Variants in ARHGEF37 observed in about 807,000 individuals in gnomAD.
ARHGEF37 encodes the protein Rho guanine nucleotide exchange factor 37.
A neutral mutation model predicts 71.1 loss-of-function variants in ARHGEF37; 55 were observed. That is an observed-to-expected ratio of 0.77 (90% CI 0.62 to 0.97). The LOEUF is 0.97. ARHGEF37 is among the 50% of genes least tolerant of loss of function. The probability of loss-of-function intolerance (pLI) is 0.00; values close to 1 mark genes in which losing one functional copy is unlikely to be tolerated. For synonymous variants in ARHGEF37, 327 were observed against 350.6 expected, an observed-to-expected ratio of 0.93 and a Z score of 0.75; for missense variants, 765 against 836.8, an observed-to-expected ratio of 0.91 and a Z score of 1.06.
intron 1 of ARHGEF37, among the ~76,000 whole-genome samples, chr5:149,593,240 C>T (rs972537773): frequency 1.3e-5 from 2 of 152,210 alleles, no homozygotes; most frequent in Non-Finnish European, 2.9e-5. Flanking sequence ...TATTCACAGA[C>T]TTGTGCAACC....
chr5:149,616,390 G>A (rs1433731264), intron 4 of ARHGEF37, among the ~76,000 whole-genome samples, 177 bp from the exon 5 acceptor site: 1 of 152,192 alleles, frequency 6.6e-6, no homozygotes, highest in African/African-American at 2.4e-5. Context: ...AACCGTCACT[G>A]CCTGCCTAAC....
chr5:149,619,803 C>T (rs973622527), intron 7 of ARHGEF37, among the ~76,000 whole-genome samples: 21 of 152,160 alleles, frequency 1.4e-4, no homozygotes, highest in African/African-American at 4.8e-4. Context: ...GGTGCAGTGG[C>T]TTACGCCTGT....
intron 1 of ARHGEF37, among the ~76,000 whole-genome samples, chr5:149,597,260 T>TA (rs71587781): frequency 2.6e-5 from 4 of 151,706 alleles, no homozygotes; most frequent in African/African-American, 9.7e-5. Flanking sequence ...AATTATCTAT[T>TA]AAAAAAAAAT....
chr5:149,580,295 G>A (rs1032874735), upstream of ARHGEF37, among the ~76,000 whole-genome samples: 3 of 151,286 alleles, frequency 2.0e-5, no homozygotes, highest in Non-Finnish European at 4.4e-5. Flanking sequence ...TCTTGACCTC[G>A]TGATCTGCCC....
At chr5:149,577,075 G>A (rs1763036079), upstream of ARHGEF37, among the ~76,000 whole-genome samples, 1 of 152,068 alleles carries the variant, frequency 6.6e-6, no homozygotes. Flanking sequence ...GCAACCACAC[G>A]AGAAACACTG....
intron 1 of ARHGEF37, among the ~76,000 whole-genome samples, chr5:149,586,367 T>G (rs1378965975): frequency 2.0e-5 from 3 of 152,234 alleles, no homozygotes; most frequent in African/African-American, 7.2e-5. Flanking sequence ...TTTCAAGTGA[T>G]TCTCCTGCCT....
At position 149,620,354 on chromosome 5, in the gene ARHGEF37, G is replaced by A. The variant is rs1216220533; in HGVS notation, c.895G>A (p.Ala299Thr). The A allele has an allele frequency of 6.2e-7, 1 of 1,606,642 alleles. No individual in the cohort carries two copies. The highest frequency in any genetic ancestry group is 8.5e-7 in the Non-Finnish European group (1 of 1,176,738). Residue 299 changes from alanine to threonine, a missense_variant and splice_region_variant, in exon 8 of 13, where the codon GCT becomes ACT. Transcript: ENST00000333677. ...NVAAYLDNLQAFLYFRPHEYN... is the reference protein window; with the variant it reads ...NVAAYLDNLQTFLYFRPHEYN... ...TGTTTCTCCTTGGTACTGGGTCCAG[G>A]CTTTCCTCTACTTCAGGCCGCACGA...
chr5:149,632,241 G>T lies in ARHGEF37; in HGVS notation c.*50G>T. On this transcript the variant is annotated 3_prime_UTR_variant, in exon 13 of 13. Coordinates refer to ENST00000333677, the MANE Select transcript of ARHGEF37 (RefSeq NM_001001669.3). ...GCCAAATGATGGGGGAGGCTTAGAG[G>T]CTCTGACCCTGGGGGGAAAAGAAGC... is the stretch of plus-strand genomic sequence containing the variant. 1 of 1,588,858 alleles carries T rather than the reference G, an allele frequency of 6.3e-7. No homozygotes were observed. Among genetic ancestry groups the T allele is most frequent in the Non-Finnish European group, 8.6e-7 (1 of 1,161,922 alleles).
Position 149,597,802 on chromosome 5 carries a change from C to T in ARHGEF37, c.33C>T (p.Ser11=), listed in dbSNP as rs375166218. The T allele has an allele frequency of 1.3e-5, 20 of 1,575,616 alleles. No homozygotes were observed. The African/African-American group carries it at 2.7e-4, about 22-fold the overall frequency. ...AGCATGGAGCCGACGAGCCATCCTC[C>T]AGGTCAGGGAGTCCGGACAGGGAAG... MAKHGADEPS[S]RSGSPDREGR... is the part of the protein sequence containing the mutation. Residue 11 remains serine, a synonymous_variant, in exon 2 of 13, where the codon TCC becomes TCT. Coordinates refer to ENST00000333677, the MANE Select transcript of ARHGEF37 (RefSeq NM_001001669.3).
At chr5:149,598,782 A>G (rs962277804) in intron 2 of ARHGEF37, among the ~76,000 whole-genome samples, 11 of 147,844 alleles carry the variant, frequency 7.4e-5, no homozygotes, top group Admixed American at 2.0e-4. Context: ...ATATAGATAT[A>G]TAGATATAGA....
rs758522672 is a variant in ARHGEF37 at position 149,609,643 on chromosome 5, C to T, written c.406C>T (p.Arg136Trp). ...GGCCTTGCTACTGGTGGACACGTAC[C>T]GGAAGGAGCCGGAGCTGCAGCGGCA... ...DQALLLVDTY[R>W]KEPELQRHIQ... Residue 136 changes from arginine to tryptophan, a missense_variant, in exon 4 of 13, where the codon CGG (arginine) becomes TGG (tryptophan). Physicochemically the swap from Arg to Trp is moderately radical, Grantham distance 101. This residue lies in a region of ARHGEF37 where 201 missense variants were observed against 217.5 expected (regional missense o/e 0.92). Transcript: ENST00000333677. 59 of 1,612,770 alleles carry T rather than the reference C, an allele frequency of 3.7e-5. No individual in the cohort carries two copies. The highest frequency in any genetic ancestry group is 9.3e-5 in the African/African-American group (7 of 74,892).
chr5:149,587,928 A>G (rs1763286725), intron 1 of ARHGEF37, among the ~76,000 whole-genome samples: 1 of 129,026 alleles, frequency 7.8e-6, no homozygotes, highest in South Asian at 2.3e-4. Context: ...ACAAAGTCTC[A>G]CTCTGTCGCC....
At chr5:149,609,961 C>T (rs1319830999) in intron 4 of ARHGEF37, among the ~76,000 whole-genome samples, 1 of 152,220 alleles carries the variant, frequency 6.6e-6, no homozygotes, top group Non-Finnish European at 1.5e-5. Context: ...CTCACTTCGG[C>T]ACCCAAACTC....
At chr5:149,626,041 G>A (rs185879552) in intron 10 of ARHGEF37, among the ~76,000 whole-genome samples, 78 of 152,272 alleles carry the variant, frequency 5.1e-4, no homozygotes, top group African/African-American at 1.7e-3. Context: ...TGTTCTCAAA[G>A]AAAACTACCT....
chr5:149,574,564 T>C (rs1407915546), intron 1 of ARHGEF37, among the ~76,000 whole-genome samples: 3 of 152,176 alleles, frequency 2.0e-5, no homozygotes, highest in African/African-American at 7.2e-5. Flanking sequence ...TTTCCTAGAG[T>C]GATCTCATTC....
rs1462853029 is a variant in ARHGEF37 at position 149,620,540 on chromosome 5, G to A, written c.1005+76G>A. On this transcript the variant is annotated intron_variant, in intron 8 of 12. Coordinates refer to ENST00000333677, the MANE Select transcript of ARHGEF37 (RefSeq NM_001001669.3). ...TTACAAGAATAATATTTAGAAGTCA[G>A]GCACTTTGGCCAGGCGTGGTGGCTC... The A allele has an allele frequency of 4.0e-6, 5 of 1,265,238 alleles. No individual in the cohort carries two copies. In the Admixed American group the frequency reaches 1.2e-4, roughly 30 times the overall value. The allele number at this position is 1,265,238 out of a possible 1,614,324, so 78.4% of individuals were successfully genotyped here. A position where few individuals can be genotyped will look rare whatever the true frequency, so the allele number is the denominator to read the frequency against.
chr5:149,569,616 G>A (rs560925499), intron 1 of ARHGEF37, among the ~76,000 whole-genome samples: 4 of 151,484 alleles, frequency 2.6e-5, no homozygotes, highest in South Asian at 4.2e-4. Context: ...CACCACACCC[G>A]GCCTTATTTA....
chr5:149,616,473 A>G, intron 4 of ARHGEF37, 94 bp from the exon 5 acceptor site: 1 of 1,226,734 alleles, frequency 8.2e-7, no homozygotes. Flanking sequence ...GAGATCACAC[A>G]GTGAGCTAAA....
chr5:149,565,829 A>T (rs1175551172), intron 1 of ARHGEF37, among the ~76,000 whole-genome samples: 7 of 84,580 alleles, frequency 8.3e-5, no homozygotes, highest in Non-Finnish European at 1.1e-4. Flanking sequence ...AGAAACTCTA[A>T]TTTTTTTTTT....
Sources: gnomAD v4.1 joint callset for allele counts (sites outside exome capture counted in the v4.1 genomes callset) on GRCh38, gnomAD v4.1.1 for gene constraint, gnomAD v4.1.1 regional missense constraint, MANE v1.5 for transcripts, NCBI Gene and HGNC (gene_info 2026-07-23, HGNC 2026-07-21) for gene names.